The following PTK2 variants were observed in gnomAD, a reference collection of about 807,000 sequenced individuals.
PTK2 encodes focal adhesion kinase 1.
Under a neutral mutation model 150.1 loss-of-function variants are expected in PTK2, and 45 were observed. The ratio of observed to expected loss-of-function variants is 0.30; its 90% CI spans 0.24 to 0.38. PTK2 has a LOEUF of 0.38. Among genes scored for constraint, PTK2 ranks in the 10% least tolerant of loss-of-function variants. The probability of loss-of-function intolerance (pLI) is 1.00; values close to 1 mark genes in which losing one functional copy is unlikely to be tolerated. For synonymous variants in PTK2, 432 were observed against 449.2 expected (o/e 0.96, Z 0.48); for missense variants, 919 against 1,307.3 (o/e 0.70, Z 4.58).
At chr8:140,791,800 A>G (rs995700496) in intron 13 of PTK2, among the ~76,000 whole-genome samples, 4 of 152,222 alleles carry the variant, frequency 2.6e-5, no homozygotes, top group African/African-American at 9.6e-5. Context: ...AAAGGCCTTC[A>G]GGCAAAAGAC....
intron 16 of PTK2, among the ~76,000 whole-genome samples, chr8:140,756,314 C>T (rs1276864523): frequency 1.4e-5 from 2 of 144,578 alleles, no homozygotes; most frequent in Non-Finnish European, 3.0e-5. Context: ...CAGAGCAAGG[C>T]TCCATCTCAA....
intron 27 of PTK2, among the ~76,000 whole-genome samples, chr8:140,678,923 T>A (rs2100015394): frequency 1.3e-5 from 2 of 151,764 alleles, no homozygotes; most frequent in South Asian, 4.2e-4. Flanking sequence ...TGCCCTTTTT[T>A]TTTTAATTTA....
chr8:140,808,756 G>C (rs1195630249), intron 10 of PTK2, among the ~76,000 whole-genome samples: 1 of 107,866 alleles, frequency 9.3e-6, no homozygotes, highest in Non-Finnish European at 1.7e-5. Context: ...TTTTTTTTGA[G>C]ATGGAGTCTC....
intron 3 of PTK2, among the ~76,000 whole-genome samples, chr8:140,882,151 G>A (rs972892841): frequency 3.2e-4 from 49 of 152,276 alleles, no homozygotes; most frequent in African/African-American, 1.0e-3. Context: ...TCTCTGGATA[G>A]TGGCAAACAT....
intron 25 of PTK2, among the ~76,000 whole-genome samples, chr8:140,701,848 C>T (rs951197432): frequency 6.6e-6 from 1 of 151,834 alleles, no homozygotes; most frequent in African/African-American, 2.4e-5. Context: ...AAAATATGAC[C>T]GGGTGTGGTG....
chr8:140,985,117 CTTTT>C (rs939601853), intron 1 of PTK2, among the ~76,000 whole-genome samples: 8 of 152,044 alleles, frequency 5.3e-5, no homozygotes, highest in Non-Finnish European at 5.9e-5. Context: ...TTTTCATCTT[CTTTT>C]TTTATTTTTT....
At chr8:140,973,453 T>C (rs1444345488) in intron 1 of PTK2, among the ~76,000 whole-genome samples, 1 of 151,778 alleles carries the variant, frequency 6.6e-6, no homozygotes, top group Admixed American at 6.6e-5. Flanking sequence ...CCTAAAATTC[T>C]AGATTACGTA....
intron 22 of PTK2, among the ~76,000 whole-genome samples, chr8:140,730,625 G>A (rs2100048617): frequency 6.6e-6 from 1 of 152,090 alleles, no homozygotes; most frequent in African/African-American, 2.4e-5. Context: ...TCACTTCTTG[G>A]TGTGTTTATT....
intron 1 of PTK2, among the ~76,000 whole-genome samples, chr8:140,966,292 T>C (rs997000664): frequency 2.0e-5 from 3 of 152,256 alleles, no homozygotes; most frequent in Admixed American, 1.3e-4. Context: ...AATAAATGAA[T>C]GGATACACTG....
intron 2 of PTK2, among the ~76,000 whole-genome samples, chr8:140,924,232 C>A (rs1245679480): frequency 6.6e-6 from 1 of 152,138 alleles, no homozygotes; most frequent in Non-Finnish European, 1.5e-5. Flanking sequence ...GCTCCCTTTC[C>A]CCTGCCACAT....
At chr8:140,764,070 A>G in intron 15 of PTK2, 164 bp downstream of exon 17, 1 of 691,200 alleles carries the variant, frequency 1.4e-6, no homozygotes, top group Non-Finnish European at 2.6e-6. Flanking sequence ...TAGAGTGGGC[A>G]TATGTAAGTA....
intron 26 of PTK2, among the ~76,000 whole-genome samples, chr8:140,698,705 C>T (rs1045841621): frequency 6.6e-6 from 1 of 152,172 alleles, no homozygotes; most frequent in African/African-American, 2.4e-5. Context: ...ACCTCCGCCT[C>T]CTGGGTTCAA....
chr8:141,000,084 A>G (rs1043815158), intron 1 of PTK2, among the ~76,000 whole-genome samples: 2 of 50,554 alleles, frequency 4.0e-5, no homozygotes, highest in Non-Finnish European at 7.1e-5. Context: ...AAATGAAACC[A>G]ATTCACACAC....
chr8:140,758,104 T>A (rs2100066960), intron 16 of PTK2, among the ~76,000 whole-genome samples: 1 of 152,202 alleles, frequency 6.6e-6, no homozygotes, highest in African/African-American at 2.4e-5. Context: ...ACTTATTTAT[T>A]TTTTAGAGGC....
chr8:140,746,426 A>C lies in PTK2; in HGVS notation c.1518+334T>G, dbSNP rs116135255. The C allele has an allele frequency of 3.5e-3, 731 of 208,136 alleles. 5 individuals carry two copies. The highest frequency in any genetic ancestry group is 0.016 in the African/African-American group (701 of 43,678). The allele number at this position is 208,136 out of a possible 1,614,324, so 12.9% of individuals were successfully genotyped here. On this transcript the variant is annotated intron_variant, in intron 18 of 31. Transcript: ENST00000522684. Reference sequence around the variant, plus strand: ...GCATTAATTTACCCAAACTCCATTAAGATTGCTTCATCCTCAGATCACTGG... The same window carrying C: ...GCATTAATTTACCCAAACTCCATTACGATTGCTTCATCCTCAGATCACTGG...
chr8:140,674,304 A>T, exon 29 of PTK2: 1 of 1,603,518 alleles, frequency 6.2e-7, no homozygotes, highest in Non-Finnish European at 8.5e-7. Context: ...CCACCTTGAC[A>T]CCCTCGTTGT....
chr8:140,845,751 T>C (rs562402920), intron 7 of PTK2, among the ~76,000 whole-genome samples: 5 of 152,194 alleles, frequency 3.3e-5, no homozygotes, highest in Non-Finnish European at 2.9e-5. Flanking sequence ...AGATGAAGTA[T>C]AGGGTTTCTA....
chr8:140,825,362 T>C (rs536064940), intron 8 of PTK2, among the ~76,000 whole-genome samples: 1 of 152,190 alleles, frequency 6.6e-6, no homozygotes, highest in African/African-American at 2.4e-5. Flanking sequence ...AAGCTTAAAA[T>C]AGTCATCTGC....
chr8:140,937,367 C>T (rs1165290686), intron 1 of PTK2, among the ~76,000 whole-genome samples: 1 of 151,858 alleles, frequency 6.6e-6, no homozygotes, highest in African/African-American at 2.4e-5. Flanking sequence ...TAAAGTTATG[C>T]CATGAATTTG....
Sources: gnomAD v4.1 joint callset for allele counts (sites outside exome capture counted in the v4.1 genomes callset) on GRCh38, gnomAD v4.1.1 for gene constraint, MANE v1.5 for transcripts, NCBI Gene and HGNC (gene_info 2026-07-23, HGNC 2026-07-21) for gene names.